TAFA1: variants seen among roughly 807,000 people sequenced by gnomAD.
TAFA1 encodes TAFA chemokine like family member 1, also known as chemokine-like protein TAFA-1.
TAFA1 carries 4 observed loss-of-function variants against 18.5 expected under a neutral mutation model. The observed-to-expected ratio is 0.22, with a 90% CI of 0.11 to 0.49. The LOEUF (loss-of-function observed/expected upper bound fraction) is 0.49. TAFA1 is among the 20% of genes least tolerant of loss of function. The pLI, the probability that TAFA1 is intolerant of heterozygous loss-of-function variation, is 0.98. For missense variants in TAFA1, 147 were observed against 169.0 expected, an observed-to-expected ratio of 0.87 and a Z score of 0.72; for synonymous variants, 56 against 55.2, an observed-to-expected ratio of 1.01 and a Z score of -0.06.
chr3:68,071,470 A>G (rs2064754439), intron 2 of TAFA1, among the ~76,000 whole-genome samples: 1 of 152,166 alleles, frequency 6.6e-6, no homozygotes, highest in African/African-American at 2.4e-5. Flanking sequence ...GATGGAAATC[A>G]CATCATCAGT....
At chr3:68,204,244 A>C (rs1285132344) in intron 2 of TAFA1, among the ~76,000 whole-genome samples, 1 of 151,800 alleles carries the variant, frequency 6.6e-6, no homozygotes, top group Non-Finnish European at 1.5e-5. Flanking sequence ...GGCAACTTCC[A>C]AGCTTCTAAG....
intron 3 of TAFA1, among the ~76,000 whole-genome samples, chr3:68,483,533 C>T (rs1343322105): frequency 6.6e-6 from 1 of 152,046 alleles, no homozygotes; most frequent in African/African-American, 2.4e-5. Flanking sequence ...TTTTTTGTCC[C>T]AGTTGTCATG....
At chr3:68,231,388 C>G (rs1434827142) in intron 2 of TAFA1, among the ~76,000 whole-genome samples, 9 of 115,766 alleles carry the variant, frequency 7.8e-5, no homozygotes, top group African/African-American at 2.7e-4. Flanking sequence ...GAGTCTCGCT[C>G]TGTCGCCCAG....
At chr3:68,072,246 C>T (rs562422541) in intron 2 of TAFA1, among the ~76,000 whole-genome samples, 286 of 152,242 alleles carry the variant, frequency 1.9e-3, no homozygotes, top group African/African-American at 6.3e-3. Flanking sequence ...GTGGCCTCTG[C>T]GGCAGAGCAG....
intron 2 of TAFA1, among the ~76,000 whole-genome samples, chr3:68,377,037 C>T (rs1402834501): frequency 6.6e-6 from 1 of 152,176 alleles, no homozygotes; most frequent in African/African-American, 2.4e-5. Flanking sequence ...CCTGAGGTTT[C>T]CCAAGCCATA....
chr3:68,326,338 G>C (rs757580915), intron 2 of TAFA1, among the ~76,000 whole-genome samples: 2 of 152,116 alleles, frequency 1.3e-5, no homozygotes, highest in Non-Finnish European at 2.9e-5. Context: ...TGCAGCCTCT[G>C]GTTTGTGTCA....
At chr3:68,521,856 GTTTTTTTT>G (rs57372768) in intron 3 of TAFA1, among the ~76,000 whole-genome samples, 1 of 70,848 alleles carries the variant, frequency 1.4e-5, no homozygotes, top group Non-Finnish European at 2.4e-5. Flanking sequence ...GTTTTTTTCT[GTTTTTTTT>G]TTTTTTTTTT....
chr3:68,088,078 A>G (rs2064991885), intron 2 of TAFA1, among the ~76,000 whole-genome samples: 1 of 152,178 alleles, frequency 6.6e-6, no homozygotes, highest in Non-Finnish European at 1.5e-5. Context: ...ATTTTTGCTG[A>G]GACAGTCTTT....
chr3:68,152,921 G>T (rs1344889451), intron 2 of TAFA1, among the ~76,000 whole-genome samples: 1 of 152,086 alleles, frequency 6.6e-6, no homozygotes, highest in East Asian at 1.9e-4. Context: ...CTTTTCCAAA[G>T]TCCTGAAACT....
chr3:68,090,543 G>A (rs924255487), intron 2 of TAFA1, among the ~76,000 whole-genome samples: 2 of 152,132 alleles, frequency 1.3e-5, no homozygotes, highest in African/African-American at 4.8e-5. Flanking sequence ...GACTCTGTGG[G>A]TCTGGATAGG....
rs930092012 is a variant in TAFA1, at chr3:68,231,409, G to A, written c.119-185871G>A. Among the ~76,000 whole-genome samples the A allele has an allele frequency of 3.8e-4, 50 of 133,232 alleles. 1 individual carries two copies. The East Asian group carries it at 9.6e-3, about 26-fold the overall frequency. 87.4% of individuals were successfully genotyped at this position (133,232 alleles called of 152,430 possible). A position where few individuals can be genotyped will look rare whatever the true frequency, so the allele number is the denominator to read the frequency against. On this transcript the variant is annotated intron_variant, in intron 2 of 4. Coordinates refer to ENST00000478136, the MANE Select transcript of TAFA1 (RefSeq NM_213609.4). ...CGCTCTGTCGCCCAGGCCGGACTGC[G>A]GACTGCAGTGGCGCAATCTCGGCTC...
upstream of TAFA1, among the ~76,000 whole-genome samples, chr3:68,002,835 GAGA>G (rs1704298721): frequency 6.7e-6 from 1 of 149,364 alleles, no homozygotes. Context: ...CTGTGAAACA[GAGA>G]TAATAATAAT....
chr3:68,432,794 C>A (rs959166902), intron 3 of TAFA1, among the ~76,000 whole-genome samples: 1 of 152,004 alleles, frequency 6.6e-6, no homozygotes, highest in African/African-American at 2.4e-5. Context: ...AATGAAATAT[C>A]TCATATGCAT....
At chr3:68,287,292 C>T (rs1310235224) in intron 2 of TAFA1, among the ~76,000 whole-genome samples, 1 of 152,178 alleles carries the variant, frequency 6.6e-6, no homozygotes, top group African/African-American at 2.4e-5. Flanking sequence ...ACATGAGGAA[C>T]TGGCTGCTCT....
At chr3:68,164,310 A>G (rs1354905902) in intron 2 of TAFA1, among the ~76,000 whole-genome samples, 1 of 152,300 alleles carries the variant, frequency 6.6e-6, no homozygotes, top group Middle Eastern at 3.4e-3. Context: ...ATGTACATGA[A>G]CTATTGTGGA....
At chr3:68,346,542 A>T (rs1393958286) in intron 2 of TAFA1, among the ~76,000 whole-genome samples, 1 of 152,166 alleles carries the variant, frequency 6.6e-6, no homozygotes, top group Non-Finnish European at 1.5e-5. Flanking sequence ...ACCAGCTCAA[A>T]CATTTTAAAG....
At chr3:68,083,304 T>G (rs1314512780) in intron 2 of TAFA1, among the ~76,000 whole-genome samples, 1 of 152,252 alleles carries the variant, frequency 6.6e-6, no homozygotes, top group Non-Finnish European at 1.5e-5. Context: ...TTAAATATTT[T>G]AGGTGATAAT....
At chr3:68,244,963 A>G (rs1433694609) in intron 2 of TAFA1, among the ~76,000 whole-genome samples, 1 of 152,216 alleles carries the variant, frequency 6.6e-6, no homozygotes, top group Non-Finnish European at 1.5e-5. Flanking sequence ...GAAAGCCTAT[A>G]ATATGCTTAG....
chr3:68,127,833 G>A (rs1181724303), intron 2 of TAFA1, among the ~76,000 whole-genome samples: 58 of 147,242 alleles, frequency 3.9e-4, no homozygotes, highest in African/African-American at 1.5e-3. Context: ...TGGTGGTGGT[G>A]ATGCTGATAG....
Sources: allele counts gnomAD v4.1 joint callset (sites outside exome capture counted in the v4.1 genomes callset), GRCh38; gene constraint gnomAD v4.1.1; transcripts MANE v1.5; gene names NCBI Gene and HGNC (gene_info 2026-07-23, HGNC 2026-07-21).